TMEM169: variants seen among roughly 807,000 people sequenced by gnomAD.
TMEM169 encodes transmembrane protein 169.
Under a neutral mutation model 27.3 loss-of-function variants are expected in TMEM169, and 18 were observed. The ratio of observed to expected loss-of-function variants is 0.66; its 90% CI spans 0.46 to 0.98. The LOEUF (loss-of-function observed/expected upper bound fraction) is 0.98. TMEM169 is among the 50% of genes least tolerant of loss of function. The pLI is 0.00. For missense variants in TMEM169, 320 were observed against 368.6 expected, an observed-to-expected ratio of 0.87 and a Z score of 1.08; for synonymous variants, 136 against 142.1, an observed-to-expected ratio of 0.96 and a Z score of 0.30.
rs572468891 is a variant in TMEM169, at chr2:216,096,434, G to A, written c.271+200G>A. ...GGCTGGAGTGCAGTGGCATGATGTC[G>A]CCTCACTGCAACTTCCACCTTCTGG... On this transcript the variant is annotated intron_variant, in intron 2 of 2. Transcript: ENST00000437356. 5.9e-4 allele frequency among the ~76,000 whole-genome samples: 90 copies of A among 152,248 alleles called. 1 individual carries two copies. The highest frequency in any genetic ancestry group is 4.4e-4 in the Non-Finnish European group (30 of 68,020).
chr2:216,098,918 T>C (rs1696322779), intron 2 of TMEM169, among the ~76,000 whole-genome samples: 1 of 151,628 alleles, frequency 6.6e-6, no homozygotes, highest in Admixed American at 6.6e-5. Context: ...GTGTGGTATG[T>C]ATGGGTATGT....
chr2:216,082,954 T>A (rs755474281), intron 1 of TMEM169: 2 of 152,222 alleles, frequency 1.3e-5, no homozygotes, highest in Non-Finnish European at 2.9e-5. Context: ...ACAAAGCCAA[T>A]TGGAAATGGG....
rs188501803 is a variant in TMEM169 at position 216,088,642 on chromosome 2, C to T, written c.-127+6663C>T. ...CTTGAGCCTAGGAGTTCAAGTCAAG[C>T]CTGGGCAACATAGAAAGACCCCATC... On this transcript the variant is annotated intron_variant, in intron 1 of 2. Coordinates refer to ENST00000437356, the MANE Select transcript of TMEM169 (RefSeq NM_001142311.2). Among the ~76,000 whole-genome samples the T allele has an allele frequency of 2.2e-3, 328 of 152,266 alleles. 2 individuals are homozygous for T. Among genetic ancestry groups the T allele is most frequent in the African/African-American group, 7.4e-3 (308 of 41,548 alleles).
chr2:216,084,346 C>G (rs936429031), intron 1 of TMEM169, among the ~76,000 whole-genome samples: 3 of 152,154 alleles, frequency 2.0e-5, no homozygotes, highest in African/African-American at 7.2e-5. Flanking sequence ...AACTACCTAG[C>G]AATTGTGCCA....
chr2:216,089,007 A>T (rs1696069826), intron 1 of TMEM169, among the ~76,000 whole-genome samples: 1 of 152,236 alleles, frequency 6.6e-6, no homozygotes, highest in South Asian at 2.1e-4. Context: ...AGCTGTGTGC[A>T]GGAAGGCTGT....
chr2:216,099,888 A>C lies in TMEM169; in HGVS notation c.272-32A>C. 1 of 1,584,958 alleles carries C rather than the reference A, an allele frequency of 6.3e-7. No homozygotes were observed. The highest frequency in any genetic ancestry group is 1.4e-5 in the African/African-American group (1 of 73,918). ...TGGAGATGCAATGCCCACTCTTCTG[A>C]TCTTGACTCTCACCTCCTTTGTACC... is the stretch of plus-strand genomic sequence containing the variant. On this transcript the variant is annotated intron_variant, in intron 2 of 2. Transcript: ENST00000437356. This position sits in a 1 kb window ranked among gnomAD's most constrained non-coding sequence, Gnocchi z 5.0.
At chr2:216,090,674 C>A (rs1475415619) in intron 1 of TMEM169, among the ~76,000 whole-genome samples, 1 of 152,186 alleles carries the variant, frequency 6.6e-6, no homozygotes, top group Non-Finnish European at 1.5e-5. Flanking sequence ...ATTCTATAGG[C>A]AGGAAGCAGG....
intron 1 of TMEM169, among the ~76,000 whole-genome samples, chr2:216,091,936 A>G (rs1311891328): frequency 6.6e-6 from 1 of 152,168 alleles, no homozygotes; most frequent in Middle Eastern, 3.2e-3. Flanking sequence ...TAGGGAGATG[A>G]GGAAATCATG....
intron 1 of TMEM169, among the ~76,000 whole-genome samples, chr2:216,085,133 G>C (rs1477122575): frequency 6.6e-6 from 1 of 152,166 alleles, no homozygotes; most frequent in Non-Finnish European, 1.5e-5. Flanking sequence ...GAGACGACAG[G>C]TGCGCGCTGC....
intron 1 of TMEM169, among the ~76,000 whole-genome samples, chr2:216,088,661 C>T (rs1488300106): frequency 6.6e-6 from 1 of 152,188 alleles, no homozygotes; most frequent in Admixed American, 6.5e-5. Flanking sequence ...CATAGAAAGA[C>T]CCCATCTCTA....
In TMEM169 at chr2:216,095,922, A is replaced by G. The variant is rs1696251195; in HGVS notation, c.-42A>G. 1 of 1,572,786 alleles carries G rather than the reference A, an allele frequency of 6.4e-7. No homozygotes were observed. Among genetic ancestry groups the G allele is most frequent in the Non-Finnish European group, 8.6e-7 (1 of 1,160,326 alleles). On this transcript the variant is annotated 5_prime_UTR_variant, in exon 2 of 3. Coordinates refer to ENST00000437356, the MANE Select transcript of TMEM169 (RefSeq NM_001142311.2). ...TGTGAACTGTGAGTTTACTCAAACAAGTCCAACTCTTTATAAGACATAGGT... is the reference window on the plus strand; with the variant it reads ...TGTGAACTGTGAGTTTACTCAAACAGGTCCAACTCTTTATAAGACATAGGT...
chr2:216,082,387 A>C (rs1695885299), intron 1 of TMEM169: 1 of 152,380 alleles, frequency 6.6e-6, no homozygotes, highest in East Asian at 1.9e-4. Flanking sequence ...CAGAACCAAG[A>C]GAATAAACGA....
chr2:216,098,654 C>T (rs764347127), intron 2 of TMEM169, among the ~76,000 whole-genome samples: 1 of 152,002 alleles, frequency 6.6e-6, no homozygotes, highest in Non-Finnish European at 1.5e-5. Context: ...TGTATTTTCC[C>T]ATCCCCACCC....
intron 1 of TMEM169, among the ~76,000 whole-genome samples, chr2:216,089,544 C>T (rs1270719494): frequency 6.6e-6 from 1 of 152,210 alleles, no homozygotes; most frequent in Non-Finnish European, 1.5e-5. Flanking sequence ...GCAACCTCCA[C>T]CTCCCAGGTT....
At chr2:216,091,651 C>T (rs1696131474) in intron 1 of TMEM169, among the ~76,000 whole-genome samples, 2 of 151,310 alleles carry the variant, frequency 1.3e-5, no homozygotes, top group East Asian at 3.9e-4. Flanking sequence ...CATCTATGAA[C>T]CAGAAAGTGA....
At position 216,101,684 on chromosome 2, in the gene TMEM169, A is replaced by C. The variant is rs1365860564; in HGVS notation, c.*1142A>C. The C allele has an allele frequency of 6.6e-6, 1 of 152,012 alleles. No homozygotes were observed. The highest frequency in any genetic ancestry group is 1.5e-5 in the Non-Finnish European group (1 of 68,016). The allele number at this position is 152,012 out of a possible 1,614,324, so 9.4% of individuals were successfully genotyped here. Reference sequence around the variant, plus strand: ...TTTTTAGTAGAGATGGGGTTTCACCATGTGCCCAGGCTGGTCTTGAACTCC... The same window carrying C: ...TTTTTAGTAGAGATGGGGTTTCACCCTGTGCCCAGGCTGGTCTTGAACTCC... On this transcript the variant is annotated 3_prime_UTR_variant, in exon 3 of 3. Coordinates refer to ENST00000437356, the MANE Select transcript of TMEM169 (RefSeq NM_001142311.2).
chr2:216,084,101 C>T (rs1695940918), intron 1 of TMEM169, among the ~76,000 whole-genome samples: 1 of 152,156 alleles, frequency 6.6e-6, no homozygotes, highest in South Asian at 2.1e-4. Context: ...AAGGTCCTCC[C>T]ACACCCCCGA....
Position 216,099,654 on chromosome 2 carries a change from A to C in TMEM169, c.272-266A>C, listed in dbSNP as rs1170462786. On this transcript the variant is annotated intron_variant, in intron 2 of 2. Coordinates refer to ENST00000437356, the MANE Select transcript of TMEM169 (RefSeq NM_001142311.2). The surrounding 1 kb of genome is among the most constrained non-coding windows in gnomAD (Gnocchi z 5.0). ...CCAAGATTGAGGCCCCAAAAAGCGGAGAGAGTAGGTGAAAAGCTTAACCTG... is the reference window on the plus strand; with the variant it reads ...CCAAGATTGAGGCCCCAAAAAGCGGCGAGAGTAGGTGAAAAGCTTAACCTG... Among the ~76,000 whole-genome samples, 1 of 152,122 alleles carries C rather than the reference A, an allele frequency of 6.6e-6. No individual in the cohort carries two copies. Among genetic ancestry groups the C allele is most frequent in the Admixed American group, 6.5e-5 (1 of 15,268 alleles).
chr2:216,102,621 CTCTT>C lies in TMEM169; in HGVS notation c.*2081_*2084del, dbSNP rs918241446. The C allele has an allele frequency of 6.7e-6, 1 of 149,356 alleles. No homozygotes were observed. The highest frequency in any genetic ancestry group is 1.5e-5 in the Non-Finnish European group (1 of 67,650). 9.3% of individuals were successfully genotyped at this position (149,356 alleles called of 1,614,324 possible). A position where few individuals can be genotyped will look rare whatever the true frequency, so the allele number is the denominator to read the frequency against. On this transcript the variant is annotated 3_prime_UTR_variant, in exon 3 of 3. Transcript: ENST00000437356. ...TGAGCTCCACCTTCAGAGGAACTCT[CTCTT>C]TTTTTTTTTTTTAAATAACTATTAT...
Sources: allele counts gnomAD v4.1 joint callset (sites outside exome capture counted in the v4.1 genomes callset), GRCh38; gene constraint gnomAD v4.1.1; non-coding constraint Gnocchi (gnomAD v3.1); transcripts MANE v1.5; gene names NCBI Gene and HGNC (gene_info 2026-07-23, HGNC 2026-07-21).